NPAS3: variants seen among roughly 807,000 people sequenced by gnomAD.
NPAS3 encodes the protein neuronal PAS domain-containing protein 3.
NPAS3 carries 14 observed loss-of-function variants against 73.1 expected under a neutral mutation model. That is an observed-to-expected ratio of 0.19 (90% CI 0.13 to 0.30). The LOEUF is 0.30. Among genes scored for constraint, NPAS3 ranks in the 10% least tolerant of loss-of-function variants. The pLI, the probability that NPAS3 is intolerant of heterozygous loss-of-function variation, is 1.00. For synonymous variants in NPAS3, 620 were observed against 541.5 expected (o/e 1.14, Z -2.01); for missense variants, 1,096 against 1,250.0 (o/e 0.88, Z 1.86).
intron 1 of NPAS3, among the ~76,000 whole-genome samples, chr14:32,980,580 A>G: frequency 6.6e-6 from 1 of 152,174 alleles, no homozygotes; most frequent in Non-Finnish European, 1.5e-5. Context: ...TACTTTACTT[A>G]TGTTTTTCTT....
intron 4 of NPAS3, among the ~76,000 whole-genome samples, chr14:33,525,814 G>C (rs2053773170): frequency 6.6e-6 from 1 of 152,092 alleles, no homozygotes; most frequent in Non-Finnish European, 1.5e-5. Context: ...TGACATGGGA[G>C]GTAGGGTCTG....
chr14:32,956,565 G>C (rs150157510), intron 1 of NPAS3, among the ~76,000 whole-genome samples: 1 of 152,166 alleles, frequency 6.6e-6, no homozygotes, highest in Non-Finnish European at 1.5e-5. Flanking sequence ...TCCAGGGAAA[G>C]AGTGGATCAG....
intron 4 of NPAS3, among the ~76,000 whole-genome samples, chr14:33,477,486 CACAT>C (rs1475446775): frequency 6.6e-6 from 1 of 152,110 alleles, no homozygotes; most frequent in African/African-American, 2.4e-5. Flanking sequence ...AACACACAGT[CACAT>C]ACAACACGCT....
chr14:33,116,610 T>C (rs913024445), intron 2 of NPAS3, among the ~76,000 whole-genome samples: 7 of 152,118 alleles, frequency 4.6e-5, no homozygotes, highest in Non-Finnish European at 1.0e-4. Flanking sequence ...TTTTTTATTT[T>C]CAGAATTTTC....
intron 5 of NPAS3, among the ~76,000 whole-genome samples, chr14:33,628,957 C>G (rs867772198): frequency 3.9e-5 from 6 of 151,970 alleles, no homozygotes; most frequent in Non-Finnish European, 8.8e-5. Context: ...GCGGGCCGGG[C>G]GCAGTGGCTC....
intron 4 of NPAS3, among the ~76,000 whole-genome samples, chr14:33,408,942 G>C (rs2047790737): frequency 6.6e-6 from 1 of 152,152 alleles, no homozygotes; most frequent in African/African-American, 2.4e-5. Flanking sequence ...TTATTTTGTT[G>C]ATACAGAGCT....
intron 3 of NPAS3, among the ~76,000 whole-genome samples, chr14:33,327,687 A>C (rs1245481636): frequency 1.3e-5 from 2 of 152,204 alleles, no homozygotes; most frequent in Non-Finnish European, 2.9e-5. Context: ...GTAAAATTTG[A>C]ACAGGTAGAG....
intron 2 of NPAS3, among the ~76,000 whole-genome samples, chr14:33,132,165 G>T (rs887154371): frequency 6.6e-6 from 1 of 152,100 alleles, no homozygotes; most frequent in Non-Finnish European, 1.5e-5. Flanking sequence ...CAGGTAACTT[G>T]CATGAAGACC....
At chr14:33,792,536 GC>G (rs1385671374) in intron 9 of NPAS3, among the ~76,000 whole-genome samples, 1 of 141,342 alleles carries the variant, frequency 7.1e-6, no homozygotes, top group Non-Finnish European at 1.5e-5. Flanking sequence ...CTTAAACACA[GC>G]CCTTTTCCAA....
At chr14:32,945,467 A>G (rs904068697) in intron 1 of NPAS3, among the ~76,000 whole-genome samples, 8 of 152,190 alleles carry the variant, frequency 5.3e-5, no homozygotes, top group Admixed American at 4.6e-4. Flanking sequence ...CCTATGAGGG[A>G]AGTGCTAATA....
At chr14:33,215,400 G>A in exon 3 of NPAS3, 3 of 1,613,926 alleles carry the variant, frequency 1.9e-6, no homozygotes, top group Non-Finnish European at 2.5e-6. Context: ...CGAATGGAAG[G>A]CCCTCCACCT....
chr14:33,141,018 A>G (rs2044025306), intron 2 of NPAS3, among the ~76,000 whole-genome samples: 2 of 152,228 alleles, frequency 1.3e-5, no homozygotes, highest in Admixed American at 6.5e-5. Flanking sequence ...TCCCAGGAGA[A>G]GTAATTTCTC....
intron 3 of NPAS3, among the ~76,000 whole-genome samples, chr14:33,352,410 GA>G (rs2045111356): frequency 6.6e-6 from 1 of 152,278 alleles, no homozygotes; most frequent in Admixed American, 6.5e-5. Flanking sequence ...AAGATTGAAT[GA>G]AAATGTATTG....
At chr14:33,310,969 T>A (rs1310267649) in intron 3 of NPAS3, among the ~76,000 whole-genome samples, 1 of 152,176 alleles carries the variant, frequency 6.6e-6, no homozygotes, top group Non-Finnish European at 1.5e-5. Context: ...TTAAATTAGA[T>A]TTTGAACTCA....
intron 3 of NPAS3, among the ~76,000 whole-genome samples, chr14:33,359,341 T>G (rs1448692617): frequency 6.6e-6 from 1 of 152,218 alleles, no homozygotes; most frequent in East Asian, 1.9e-4. Context: ...CCTCAGTATT[T>G]GTAGCAGATG....
At chr14:33,790,667 G>T (rs890262179) in intron 9 of NPAS3, among the ~76,000 whole-genome samples, 3 of 151,798 alleles carry the variant, frequency 2.0e-5, no homozygotes, top group African/African-American at 7.3e-5. Flanking sequence ...ATTCCATTAT[G>T]ATTTCTTTTT....
chr14:33,352,712 A>G (rs1396619538), intron 3 of NPAS3, among the ~76,000 whole-genome samples: 1 of 152,234 alleles, frequency 6.6e-6, no homozygotes, highest in African/African-American at 2.4e-5. Flanking sequence ...TCTTTGATGG[A>G]TATTGTAGAG....
At chr14:33,546,536 A>G (rs2139671134) in intron 4 of NPAS3, among the ~76,000 whole-genome samples, 1 of 152,362 alleles carries the variant, frequency 6.6e-6, no homozygotes, top group Non-Finnish European at 1.5e-5. Context: ...AGAAGCAAGC[A>G]TAAATGATTT....
chr14:33,215,721 T>C (rs1443989170), intron 3 of NPAS3: 1 of 625,968 alleles, frequency 1.6e-6, no homozygotes, highest in Non-Finnish European at 2.8e-6. Context: ...TTAATGTATG[T>C]TTTACCATTA....
Sources: allele counts gnomAD v4.1 joint callset (sites outside exome capture counted in the v4.1 genomes callset), GRCh38; gene constraint gnomAD v4.1.1; transcripts MANE v1.5; gene names NCBI Gene and HGNC (gene_info 2026-07-23, HGNC 2026-07-21).